DRC11: variants seen among roughly 807,000 people sequenced by gnomAD.
The protein encoded by DRC11 is IQ and AAA domain-containing protein 1.
chr2:236,448,984 C>T, the DRC11 span, among the ~76,000 whole-genome samples: 6 of 152,058 alleles, frequency 3.9e-5, no homozygotes, highest in South Asian at 2.1e-4. The surrounding 1 kb of genome is among the most constrained non-coding windows in gnomAD (Gnocchi z 5.3). Context: ...CTCAGCCTCG[C>T]GAGTAGCTGG....
the DRC11 span, chr2:236,324,740 G>T: frequency 6.2e-7 from 1 of 1,605,038 alleles, no homozygotes; most frequent in East Asian, 2.2e-5. This position sits in a 1 kb window ranked among gnomAD's most constrained non-coding sequence, Gnocchi z 5.7. Context: ...TCCTGTTATC[G>T]CCAAGGCACG....
the DRC11 span, among the ~76,000 whole-genome samples, chr2:236,471,503 TAAG>T: frequency 6.7e-3 from 1,024 of 152,342 alleles, 9 homozygotes; most frequent in African/African-American, 0.023. The surrounding 1 kb of genome is among the most constrained non-coding windows in gnomAD (Gnocchi z 4.6). Flanking sequence ...GATGGCAATT[TAAG>T]AAGGACTTTT....
At chr2:236,481,952 C>T in the DRC11 span, among the ~76,000 whole-genome samples, 3 of 147,208 alleles carry the variant, frequency 2.0e-5, no homozygotes, top group Non-Finnish European at 3.0e-5. Context: ...TATAATTCTA[C>T]ATATTATATG....
the DRC11 span, among the ~76,000 whole-genome samples, chr2:236,343,498 C>A: frequency 6.6e-6 from 1 of 152,220 alleles, no homozygotes; most frequent in East Asian, 1.9e-4. This position sits in a 1 kb window ranked among gnomAD's most constrained non-coding sequence, Gnocchi z 6.6. Context: ...GAATGCTGTT[C>A]ACTGCTGGCC....
the DRC11 span, among the ~76,000 whole-genome samples, chr2:236,341,217 G>C: frequency 6.6e-6 from 1 of 152,252 alleles, no homozygotes; most frequent in East Asian, 1.9e-4. Context: ...ATGTCAGGGA[G>C]GCGCTTGCTA....
chr2:236,461,137 T>A, the DRC11 span, among the ~76,000 whole-genome samples: 3 of 152,258 alleles, frequency 2.0e-5, no homozygotes, highest in Non-Finnish European at 4.4e-5. This position sits in a 1 kb window ranked among gnomAD's most constrained non-coding sequence, Gnocchi z 4.0. Context: ...GTTACAGTTG[T>A]ACATAGTGCT....
At chr2:236,346,656 G>C in the DRC11 span, 1 of 169,186 alleles carries the variant, frequency 5.9e-6, no homozygotes, top group Non-Finnish European at 1.5e-5. Context: ...AGCAGGGCAG[G>C]AGAAGGCTCC....
chr2:236,465,247 G>A, the DRC11 span, among the ~76,000 whole-genome samples: 78 of 152,272 alleles, frequency 5.1e-4, no homozygotes, highest in Non-Finnish European at 9.9e-4. This position sits in a 1 kb window ranked among gnomAD's most constrained non-coding sequence, Gnocchi z 6.2. Context: ...GACCTGGCCT[G>A]TGAAGTCCTG....
chr2:236,454,810 T>G, the DRC11 span: 17 of 152,220 alleles, frequency 1.1e-4, no homozygotes, highest in African/African-American at 3.9e-4. The surrounding 1 kb of genome is among the most constrained non-coding windows in gnomAD (Gnocchi z 5.3). Flanking sequence ...ACAATGCTCG[T>G]GTTTCAAAAA....
At chr2:236,336,993 G>A in the DRC11 span, among the ~76,000 whole-genome samples, 5 of 152,102 alleles carry the variant, frequency 3.3e-5, 1 homozygote, top group African/African-American at 7.2e-5. The surrounding 1 kb of genome is among the most constrained non-coding windows in gnomAD (Gnocchi z 7.3). Context: ...GAGATAACCC[G>A]TCGTGGGACC....
chr2:236,409,022 C>T, the DRC11 span: 7 of 646,154 alleles, frequency 1.1e-5, no homozygotes, highest in South Asian at 3.4e-5. Context: ...TGTGCACTTC[C>T]GAGGCAGGAA....
At chr2:236,318,642 G>T in the DRC11 span, among the ~76,000 whole-genome samples, 1 of 104,392 alleles carries the variant, frequency 9.6e-6, no homozygotes, top group East Asian at 1.9e-4. This position sits in a 1 kb window ranked among gnomAD's most constrained non-coding sequence, Gnocchi z 7.0. Context: ...GTTTGTGTTT[G>T]TATGTGTGCA....
chr2:236,429,596 T>A, the DRC11 span, among the ~76,000 whole-genome samples: 1 of 151,972 alleles, frequency 6.6e-6, no homozygotes, highest in Non-Finnish European at 1.5e-5. The surrounding 1 kb of genome is among the most constrained non-coding windows in gnomAD (Gnocchi z 5.9). Context: ...TCCAAGGCTG[T>A]TTTCTGGCAT....
the DRC11 span, among the ~76,000 whole-genome samples, chr2:236,376,281 G>A: frequency 3.3e-5 from 5 of 152,194 alleles, no homozygotes; most frequent in Non-Finnish European, 7.3e-5. This position sits in a 1 kb window ranked among gnomAD's most constrained non-coding sequence, Gnocchi z 5.7. Context: ...GGAAGGCTGG[G>A]AAACTGTTCC....
At chr2:236,344,570 T>C in the DRC11 span, 6 of 1,613,184 alleles carry the variant, frequency 3.7e-6, no homozygotes, top group African/African-American at 8.0e-5. Flanking sequence ...CTTTTCTGCG[T>C]TGGGAACTTT....
the DRC11 span, among the ~76,000 whole-genome samples, chr2:236,455,539 G>A: frequency 6.6e-6 from 1 of 152,176 alleles, no homozygotes; most frequent in Non-Finnish European, 1.5e-5. The surrounding 1 kb of genome is among the most constrained non-coding windows in gnomAD (Gnocchi z 5.7). Flanking sequence ...GTGAAGACGC[G>A]ACATTCTGTC....
the DRC11 span, among the ~76,000 whole-genome samples, chr2:236,357,836 TAAATATGTA>T: frequency 1.0e-5 from 1 of 100,352 alleles, no homozygotes; most frequent in Non-Finnish European, 2.1e-5. Flanking sequence ...ATATACTATA[TAAATATGTA>T]ATATATAAAT....
chr2:236,335,258 A>C, the DRC11 span, among the ~76,000 whole-genome samples: 1 of 152,230 alleles, frequency 6.6e-6, no homozygotes, highest in Non-Finnish European at 1.5e-5. This position sits in a 1 kb window ranked among gnomAD's most constrained non-coding sequence, Gnocchi z 5.6. Flanking sequence ...AGCTGCAAAG[A>C]CAAGAACAGT....
the DRC11 span, chr2:236,419,397 C>A: frequency 1.5e-6 from 2 of 1,376,328 alleles, no homozygotes; most frequent in Non-Finnish European, 1.9e-6. The surrounding 1 kb of genome is among the most constrained non-coding windows in gnomAD (Gnocchi z 4.8). Flanking sequence ...CTGGACCCTG[C>A]AGGCCGACCC....
Sources: gnomAD v4.1 joint callset for allele counts (sites outside exome capture counted in the v4.1 genomes callset) on GRCh38, gnomAD v4.1.1 for gene constraint, Gnocchi (gnomAD v3.1) non-coding constraint, MANE v1.5 for transcripts, NCBI Gene and HGNC (gene_info 2026-07-23, HGNC 2026-07-21) for gene names.